Variants in APBA2 observed in about 807,000 individuals in gnomAD.
The protein encoded by APBA2 is amyloid beta precursor protein binding family A member 2, also known as amyloid-beta A4 precursor protein-binding family A member 2.
A neutral mutation model predicts 75.0 loss-of-function variants in APBA2; 30 were observed. The ratio of observed to expected loss-of-function variants is 0.40; its 90% CI spans 0.30 to 0.54. The LOEUF is 0.54. Ranked by LOEUF, APBA2 falls within the 20% of genes least tolerant of loss-of-function variation. The pLI is 0.49. For synonymous variants in APBA2, 444 were observed against 409.6 expected, an observed-to-expected ratio of 1.08 and a Z score of -1.01; for missense variants, 801 against 1,016.1, an observed-to-expected ratio of 0.79 and a Z score of 2.88.
At chr15:28,910,646 C>T (rs1448780746) in intron 1 of APBA2, among the ~76,000 whole-genome samples, 2 of 152,170 alleles carry the variant, frequency 1.3e-5, no homozygotes, top group African/African-American at 4.8e-5. Flanking sequence ...TCCCACCGTT[C>T]TCTTTTAACC....
intron 2 of APBA2, among the ~76,000 whole-genome samples, chr15:28,932,903 A>T (rs554686706): frequency 6.6e-6 from 1 of 152,260 alleles, no homozygotes; most frequent in African/African-American, 2.4e-5. Context: ...ACAGAATACC[A>T]CAGATTGGGT....
At chr15:29,028,869 T>C (rs2040353913) in intron 3 of APBA2, among the ~76,000 whole-genome samples, 1 of 152,208 alleles carries the variant, frequency 6.6e-6, no homozygotes, top group Non-Finnish European at 1.5e-5. Context: ...GGGTTTTTTT[T>C]CTTGTAAATT....
intron 9 of APBA2, among the ~76,000 whole-genome samples, chr15:29,099,536 C>T (rs2044015674): frequency 6.6e-6 from 1 of 152,248 alleles, no homozygotes; most frequent in Non-Finnish European, 1.5e-5. Context: ...ACCAAAATTC[C>T]AGACTCCCAG....
rs555505719 is a variant in APBA2, at chr15:28,986,797, A to G, written c.-94-8956A>G. 3.3e-5 allele frequency among the ~76,000 whole-genome samples: 5 copies of G among 152,328 alleles called. No homozygotes were observed. The South Asian group carries it at 1.0e-3, about 32-fold the overall frequency. On this transcript the variant is annotated intron_variant, in intron 2 of 14. Transcript: ENST00000683413. Reference sequence around the variant, plus strand: ...CTTATTTTTATGTTAGTCTTTGGAAACAATTGGCATATATTTTAGTCTGTT... The same window carrying G: ...CTTATTTTTATGTTAGTCTTTGGAAGCAATTGGCATATATTTTAGTCTGTT...
chr15:29,109,235 CT>C (rs2044601840), intron 13 of APBA2, among the ~76,000 whole-genome samples: 1 of 152,304 alleles, frequency 6.6e-6, no homozygotes, highest in East Asian at 1.9e-4. Context: ...TCTAGAAGGA[CT>C]ACCAAATCTT....
intron 2 of APBA2, among the ~76,000 whole-genome samples, chr15:28,944,262 G>A (rs2035411828): frequency 6.6e-6 from 1 of 152,216 alleles, no homozygotes; most frequent in Non-Finnish European, 1.5e-5. Flanking sequence ...AAGCCATGCA[G>A]AAAGGTGTGC....
At chr15:29,104,960 C>T (rs2044321952) in intron 10 of APBA2, among the ~76,000 whole-genome samples, 2 of 152,114 alleles carry the variant, frequency 1.3e-5, no homozygotes, top group African/African-American at 4.8e-5. Context: ...TGGTTGTGCT[C>T]ACCTACATTC....
chr15:28,968,973 G>T (rs2036887662), intron 2 of APBA2, among the ~76,000 whole-genome samples: 2 of 151,726 alleles, frequency 1.3e-5, no homozygotes, highest in African/African-American at 2.4e-5. Context: ...AATCATGGTT[G>T]TCAAAAAGTC....
chr15:28,999,327 A>C (rs763001358), intron 3 of APBA2, among the ~76,000 whole-genome samples: 1 of 152,216 alleles, frequency 6.6e-6, no homozygotes, highest in Non-Finnish European at 1.5e-5. Context: ...ATAAATATTC[A>C]TGATGAATTT....
At chr15:28,942,089 A>G (rs2035265869) in intron 2 of APBA2, among the ~76,000 whole-genome samples, 1 of 152,198 alleles carries the variant, frequency 6.6e-6, no homozygotes, top group Admixed American at 6.5e-5. Context: ...AAATATTTAC[A>G]CTATGTTTTC....
At chr15:28,968,929 T>A (rs1254571239) in intron 2 of APBA2, among the ~76,000 whole-genome samples, 1 of 152,080 alleles carries the variant, frequency 6.6e-6, no homozygotes, top group Non-Finnish European at 1.5e-5. Context: ...TCCTTGAGTG[T>A]CTTAAATAGG....
intron 2 of APBA2, among the ~76,000 whole-genome samples, chr15:28,944,207 G>A (rs1021227400): frequency 6.6e-6 from 1 of 152,188 alleles, no homozygotes; most frequent in Non-Finnish European, 1.5e-5. Context: ...CATTGGAAAA[G>A]AACATGAATT....
chr15:28,972,133 C>T (rs2037101340), intron 2 of APBA2, among the ~76,000 whole-genome samples: 2 of 152,016 alleles, frequency 1.3e-5, no homozygotes, highest in African/African-American at 2.4e-5. Flanking sequence ...TGATAAGGTT[C>T]CCCAAAGGGA....
chr15:28,997,641 G>A (rs1446990500), intron 3 of APBA2, among the ~76,000 whole-genome samples: 1 of 152,116 alleles, frequency 6.6e-6, no homozygotes, highest in Admixed American at 6.5e-5. Context: ...GACTGTCCAC[G>A]GTGAAATTGG....
chr15:28,921,072 C>A (rs949545149), intron 1 of APBA2, among the ~76,000 whole-genome samples: 4 of 152,122 alleles, frequency 2.6e-5, no homozygotes, highest in African/African-American at 9.7e-5. Context: ...CCTTTCTCTG[C>A]AGGGGGTTTG....
At position 29,046,947 on chromosome 15, in the gene APBA2, T is replaced by C. The variant is rs1310609793; in HGVS notation, c.-40-6898T>C. 6.6e-6 allele frequency among the ~76,000 whole-genome samples: 1 copy of C among 152,222 alleles called. No individual in the cohort carries two copies. The highest frequency in any genetic ancestry group is 2.4e-5 in the African/African-American group (1 of 41,456). On this transcript the variant is annotated intron_variant, in intron 3 of 14. Coordinates refer to ENST00000683413, the MANE Select transcript of APBA2 (RefSeq NM_001353788.2). The surrounding 1 kb of genome is among the most constrained non-coding windows in gnomAD (Gnocchi z 5.0). ...CAGGCATCTCTCCTGGACCATTTCA[T>C]TGACATTTTCCTTAACTCCCTTTAT...
intron 3 of APBA2, among the ~76,000 whole-genome samples, chr15:29,052,598 C>T (rs1399514224): frequency 1.3e-5 from 2 of 152,112 alleles, no homozygotes; most frequent in African/African-American, 4.8e-5. Context: ...AGCCTCTGTC[C>T]CCACGCCAGG....
At chr15:28,969,145 TTTCTTTC>T (rs2036908509) in intron 2 of APBA2, among the ~76,000 whole-genome samples, 1 of 74,876 alleles carries the variant, frequency 1.3e-5, no homozygotes. Flanking sequence ...TCTTTCTTTC[TTTCTTTC>T]TTTCTTTCTT....
At chr15:28,944,175 GA>G (rs1566826043) in intron 2 of APBA2, among the ~76,000 whole-genome samples, 1 of 152,122 alleles carries the variant, frequency 6.6e-6, no homozygotes, top group Admixed American at 6.5e-5. Flanking sequence ...TGTCTCTTCC[GA>G]AAGAGACATC....
Sources: allele counts gnomAD v4.1 joint callset (sites outside exome capture counted in the v4.1 genomes callset), GRCh38; gene constraint gnomAD v4.1.1; non-coding constraint Gnocchi (gnomAD v3.1); transcripts MANE v1.5; gene names NCBI Gene and HGNC (gene_info 2026-07-23, HGNC 2026-07-21).